The following SLC35F4 variants were observed in gnomAD, a reference collection of about 807,000 sequenced individuals.
The protein encoded by SLC35F4 is solute carrier family 35 member F4, also known as chromosome 14 open reading frame 36.
SLC35F4 carries 24 observed loss-of-function variants against 44.2 expected under a neutral mutation model. The observed-to-expected ratio is 0.54, with a 90% CI of 0.39 to 0.76. The LOEUF is 0.76. SLC35F4 is among the 30% of genes least tolerant of loss of function. The probability of loss-of-function intolerance (pLI) is 0.00; values close to 1 mark genes in which losing one functional copy is unlikely to be tolerated. For missense variants in SLC35F4, 562 were observed against 586.1 expected, an observed-to-expected ratio of 0.96 and a Z score of 0.42; for synonymous variants, 238 against 223.6, an observed-to-expected ratio of 1.06 and a Z score of -0.57.
At chr14:57,574,644 T>C (rs1484167357) in intron 4 of SLC35F4, among the ~76,000 whole-genome samples, 1 of 152,192 alleles carries the variant, frequency 6.6e-6, no homozygotes, top group East Asian at 1.9e-4. Flanking sequence ...TATGGCTATA[T>C]TTTAAGAAAT....
intron 1 of SLC35F4, among the ~76,000 whole-genome samples, chr14:57,888,646 A>G (rs1888700429): frequency 6.6e-6 from 1 of 152,224 alleles, no homozygotes; most frequent in African/African-American, 2.4e-5. Flanking sequence ...AAAAAGGGAC[A>G]TTGGGAAAAC....
At chr14:57,635,286 C>G (rs919871032) in intron 1 of SLC35F4, among the ~76,000 whole-genome samples, 3 of 149,594 alleles carry the variant, frequency 2.0e-5, no homozygotes, top group Non-Finnish European at 4.4e-5. Context: ...GCTTTTGCAA[C>G]TGGGTGGATG....
chr14:57,918,828 C>T (rs541719385), intron 1 of SLC35F4, among the ~76,000 whole-genome samples: 26 of 152,204 alleles, frequency 1.7e-4, no homozygotes, highest in African/African-American at 5.8e-4. Context: ...AAACTGCTTG[C>T]GGGGCTGGAG....
chr14:57,646,662 C>T (rs1440155203), intron 1 of SLC35F4, among the ~76,000 whole-genome samples: 1 of 151,938 alleles, frequency 6.6e-6, no homozygotes, highest in Admixed American at 6.6e-5. Context: ...ACCTTCTGTT[C>T]GCTTTTGAAT....
intron 1 of SLC35F4, among the ~76,000 whole-genome samples, chr14:57,628,767 G>A (rs1220784410): frequency 6.6e-6 from 1 of 152,104 alleles, no homozygotes; most frequent in African/African-American, 2.4e-5. Context: ...TTGGGCTCCA[G>A]ATAAACTACC....
intron 1 of SLC35F4, among the ~76,000 whole-genome samples, chr14:57,663,906 G>T (rs976350938): frequency 6.6e-6 from 1 of 152,082 alleles, no homozygotes; most frequent in Admixed American, 6.6e-5. Context: ...GCATGTTTCA[G>T]TTAGCCCAAA....
intron 1 of SLC35F4, among the ~76,000 whole-genome samples, chr14:57,791,146 A>T (rs2077907106): frequency 6.6e-6 from 1 of 152,240 alleles, no homozygotes; most frequent in African/African-American, 2.4e-5. Context: ...GATCTAATTA[A>T]ACTAAAGAGC....
At chr14:57,881,754 C>T (rs951497987) in intron 1 of SLC35F4, among the ~76,000 whole-genome samples, 8 of 152,076 alleles carry the variant, frequency 5.3e-5, no homozygotes, top group Non-Finnish European at 1.0e-4. Context: ...AATCTGATCT[C>T]CTTCTTGAAC....
intron 1 of SLC35F4, among the ~76,000 whole-genome samples, chr14:57,738,989 T>A (rs2076538109): frequency 6.7e-6 from 1 of 149,122 alleles, no homozygotes; most frequent in Admixed American, 6.7e-5. Context: ...TTGCAACTTA[T>A]AAAAGTAATA....
chr14:57,968,156 G>T (rs1285791691), intron 1 of SLC35F4, among the ~76,000 whole-genome samples: 1 of 152,174 alleles, frequency 6.6e-6, no homozygotes, highest in African/African-American at 2.4e-5. Flanking sequence ...CACAGATCTG[G>T]TTCTAATTAA....
chr14:57,806,310 T>C (rs1881309303), intron 1 of SLC35F4, among the ~76,000 whole-genome samples: 1 of 152,220 alleles, frequency 6.6e-6, no homozygotes, highest in Non-Finnish European at 1.5e-5. Context: ...TGAAATACTA[T>C]AATCTCTACA....
intron 1 of SLC35F4, among the ~76,000 whole-genome samples, chr14:57,893,727 C>A (rs753487724): frequency 6.6e-6 from 1 of 152,162 alleles, no homozygotes; most frequent in Non-Finnish European, 1.5e-5. Context: ...TCAATCCCAA[C>A]CAACTTGTTT....
intron 1 of SLC35F4, among the ~76,000 whole-genome samples, chr14:57,854,040 G>A (rs1228965951): frequency 6.6e-6 from 1 of 152,150 alleles, no homozygotes; most frequent in Non-Finnish European, 1.5e-5. Flanking sequence ...ATCCTTGAAA[G>A]GAGAATCCAA....
At chr14:57,796,377 T>G (rs1327056613) in intron 1 of SLC35F4, among the ~76,000 whole-genome samples, 1 of 152,348 alleles carries the variant, frequency 6.6e-6, no homozygotes, top group East Asian at 1.9e-4. Flanking sequence ...ACCAGATTTG[T>G]GGAACTTTGC....
chr14:57,957,754 C>A, intron 1 of SLC35F4, among the ~76,000 whole-genome samples: 1 of 152,190 alleles, frequency 6.6e-6, no homozygotes, highest in East Asian at 1.9e-4. Flanking sequence ...AATACCAATT[C>A]TGGCACCCAT....
chr14:57,766,434 G>A (rs893033451), intron 1 of SLC35F4, among the ~76,000 whole-genome samples: 2 of 152,210 alleles, frequency 1.3e-5, no homozygotes, highest in Admixed American at 6.5e-5. Flanking sequence ...TGTCAGAACA[G>A]TGGAAATGAA....
chr14:57,826,201 T>C (rs957017130), intron 1 of SLC35F4, among the ~76,000 whole-genome samples: 1 of 151,894 alleles, frequency 6.6e-6, no homozygotes, highest in African/African-American at 2.4e-5. Flanking sequence ...GAACTCAGAA[T>C]TAAGGCTGCA....
chr14:57,877,041 T>C (rs1045702246), intron 1 of SLC35F4, among the ~76,000 whole-genome samples: 2 of 152,082 alleles, frequency 1.3e-5, no homozygotes, highest in African/African-American at 4.8e-5. Flanking sequence ...TGGGTACATG[T>C]GCAGGTTTGT....
At chr14:57,867,603 C>CT (rs869183580), upstream of SLC35F4, among the ~76,000 whole-genome samples, 16 of 31,512 alleles carry the variant, frequency 5.1e-4, no homozygotes, top group African/African-American at 2.2e-3. Context: ...TGCCTTTACA[C>CT]CCCCCCCCAC....
Sources: allele counts gnomAD v4.1 joint callset (sites outside exome capture counted in the v4.1 genomes callset), GRCh38; gene constraint gnomAD v4.1.1; transcripts MANE v1.5; gene names NCBI Gene and HGNC (gene_info 2026-07-23, HGNC 2026-07-21).